Variants in WDR27 observed in about 807,000 individuals in gnomAD.
WDR27 encodes the protein WD repeat domain 27.
Under a neutral mutation model 114.4 loss-of-function variants are expected in WDR27, and 100 were observed. The observed-to-expected ratio is 0.87, with a 90% CI of 0.74 to 1.03. The LOEUF (loss-of-function observed/expected upper bound fraction) is 1.03. WDR27 is among the 50% of genes least tolerant of loss of function. The pLI is 0.00. For synonymous variants in WDR27, 449 were observed against 423.1 expected (o/e 1.06, Z -0.75); for missense variants, 1,129 against 1,092.9 (o/e 1.03, Z -0.47).
intron 25 of WDR27, among the ~76,000 whole-genome samples, chr6:169,502,487 G>T (rs897124573): frequency 6.6e-6 from 1 of 152,186 alleles, no homozygotes; most frequent in Non-Finnish European, 1.5e-5. Context: ...TCTGTAGGTC[G>T]TAAGTCCCGA....
chr6:169,681,751 C>T (rs761598252), intron 2 of WDR27, among the ~76,000 whole-genome samples: 11 of 152,206 alleles, frequency 7.2e-5, no homozygotes, highest in Non-Finnish European at 1.5e-4. Flanking sequence ...GAGACTTGCC[C>T]GTATCTTGCA....
At chr6:169,428,557 A>C in the WDR27 span, among the ~76,000 whole-genome samples, 14 of 146,280 alleles carry the variant, frequency 9.6e-5, no homozygotes, top group South Asian at 3.0e-3. Flanking sequence ...CACGGGTTAA[A>C]TCAAACAGCT....
At chr6:169,621,385 C>G (rs9477998) in intron 21 of WDR27, among the ~76,000 whole-genome samples, 1 of 151,000 alleles carries the variant, frequency 6.6e-6, no homozygotes, top group African/African-American at 2.4e-5. Context: ...TGTAGACATA[C>G]GCACACACAT....
chr6:169,511,621 A>G (rs951375411), intron 25 of WDR27, among the ~76,000 whole-genome samples: 3 of 152,114 alleles, frequency 2.0e-5, no homozygotes, highest in Non-Finnish European at 4.4e-5. Context: ...CTTATTCTCT[A>G]AGTACATACA....
At chr6:169,625,395 G>T (rs188330186) in intron 21 of WDR27, among the ~76,000 whole-genome samples, 1,605 of 152,324 alleles carry the variant, frequency 0.011, 24 homozygotes, top group African/African-American at 0.037. Flanking sequence ...AAGGGGCCGA[G>T]TCCAACTACT....
At chr6:169,490,361 G>C (rs1297646930) in intron 25 of WDR27, among the ~76,000 whole-genome samples, 1 of 152,192 alleles carries the variant, frequency 6.6e-6, no homozygotes. Flanking sequence ...TTTCTAAGAA[G>C]GTTTGGGATT....
intron 25 of WDR27, among the ~76,000 whole-genome samples, chr6:169,514,543 G>T: frequency 3.2e-5 from 1 of 31,604 alleles, no homozygotes; most frequent in East Asian, 2.4e-4. Context: ...TATATTTGGG[G>T]GAAAAATATA....
chr6:169,464,910 G>A (rs1275944694), intron 25 of WDR27, among the ~76,000 whole-genome samples: 1 of 152,196 alleles, frequency 6.6e-6, no homozygotes, highest in Non-Finnish European at 1.5e-5. Flanking sequence ...ATCACCTGAG[G>A]TCAGGAGTTC....
chr6:169,578,547 A>G (rs1349566255), intron 24 of WDR27, among the ~76,000 whole-genome samples: 1 of 152,210 alleles, frequency 6.6e-6, no homozygotes, highest in Admixed American at 6.5e-5. Flanking sequence ...GATTTCCTAC[A>G]TAGAAGCTCC....
chr6:169,434,645 T>C, the WDR27 span, among the ~76,000 whole-genome samples: 1 of 152,148 alleles, frequency 6.6e-6, no homozygotes, highest in South Asian at 2.1e-4. Flanking sequence ...TGTGGAACTT[T>C]GAAGTTGAGA....
intron 23 of WDR27, among the ~76,000 whole-genome samples, chr6:169,590,311 AT>A (rs1204384746): frequency 1.3e-5 from 2 of 152,176 alleles, no homozygotes; most frequent in Admixed American, 6.5e-5. Flanking sequence ...TGGTAGTGAT[AT>A]TTTCCACAGG....
Position 169,638,240 on chromosome 6 carries a change from C to T in WDR27, c.1869+299G>A, listed in dbSNP as rs959555125. On this transcript the variant is annotated intron_variant, in intron 18 of 25. Transcript: ENST00000448612. ...CTGAGGCAGGAGAATGGCGTGAACC[C>T]GGGAAGCGGAGCTTGCAGTGAGCCG... Among the ~76,000 whole-genome samples, 5 of 84,134 alleles carry T rather than the reference C, an allele frequency of 5.9e-5. 1 individual carries two copies. Among genetic ancestry groups the T allele is most frequent in the Admixed American group, 2.2e-4 (2 of 9,084 alleles). 55.2% of individuals were successfully genotyped at this position (84,134 alleles called of 152,430 possible).
intron 20 of WDR27, among the ~76,000 whole-genome samples, chr6:169,633,957 A>G (rs1817054115): frequency 1.3e-5 from 2 of 152,190 alleles, no homozygotes; most frequent in Non-Finnish European, 2.9e-5. Context: ...ATGAATTCCT[A>G]AAGATCTGGA....
At chr6:169,471,712 T>A (rs541901094) in intron 25 of WDR27, among the ~76,000 whole-genome samples, 1 of 152,226 alleles carries the variant, frequency 6.6e-6, no homozygotes, top group Non-Finnish European at 1.5e-5. Context: ...ACATTGTTAG[T>A]TTTAAGGTGT....
chr6:169,469,219 C>T (rs1786013089), intron 25 of WDR27, among the ~76,000 whole-genome samples: 1 of 152,232 alleles, frequency 6.6e-6, no homozygotes, highest in East Asian at 1.9e-4. Context: ...CCAGCATCAA[C>T]TCTAAAGTCT....
intron 12 of WDR27, 35 bp from the exon 13 acceptor site, chr6:169,658,393 G>C: frequency 1.3e-6 from 2 of 1,499,782 alleles, no homozygotes; most frequent in Non-Finnish European, 9.1e-7. Context: ...AACTAGGAGC[G>C]CAAACGACGA....
intron 9 of WDR27, among the ~76,000 whole-genome samples, chr6:169,661,745 G>A (rs1006642735): frequency 6.6e-6 from 1 of 152,160 alleles, no homozygotes; most frequent in Non-Finnish European, 1.5e-5. Flanking sequence ...TGCTCCAGGG[G>A]CAGCTCTGCA....
At chr6:169,450,900 G>T in the WDR27 span, among the ~76,000 whole-genome samples, 5 of 152,198 alleles carry the variant, frequency 3.3e-5, no homozygotes, top group Non-Finnish European at 7.3e-5. Flanking sequence ...TCCGCCTGCT[G>T]TGAATGAAGC....
chr6:169,582,042 C>T (rs1444331639), intron 24 of WDR27, among the ~76,000 whole-genome samples: 5 of 152,140 alleles, frequency 3.3e-5, no homozygotes, highest in African/African-American at 4.8e-5. Flanking sequence ...GGCATGGTCT[C>T]GACTCACTGC....
Sources: allele counts gnomAD v4.1 joint callset (sites outside exome capture counted in the v4.1 genomes callset), GRCh38; gene constraint gnomAD v4.1.1; transcripts MANE v1.5; gene names NCBI Gene and HGNC (gene_info 2026-07-23, HGNC 2026-07-21).